The following AGBL1 variants were observed in gnomAD, a reference collection of about 807,000 sequenced individuals.
The protein encoded by AGBL1 is cytosolic carboxypeptidase 4.
AGBL1 carries 130 observed loss-of-function variants against 118.9 expected under a neutral mutation model. The observed-to-expected ratio is 1.09, with a 90% CI of 0.95 to 1.26. The LOEUF is 1.26. AGBL1 is among the 50% of genes most tolerant of loss of function. The pLI is 0.00. For synonymous variants in AGBL1, 555 were observed against 478.9 expected (o/e 1.16, Z -2.08); for missense variants, 1,584 against 1,298.1 (o/e 1.22, Z -3.38).
chr15:86,813,208 G>GT (rs1345048179), intron 22 of AGBL1, among the ~76,000 whole-genome samples: 1 of 151,706 alleles, frequency 6.6e-6, no homozygotes, highest in Admixed American at 6.6e-5. Flanking sequence ...AGGGTTGGGG[G>GT]GGCCTCAGGG....
At chr15:86,841,126 T>G (rs2079239148) in intron 22 of AGBL1, among the ~76,000 whole-genome samples, 1 of 152,224 alleles carries the variant, frequency 6.6e-6, no homozygotes, top group South Asian at 2.1e-4. Context: ...TGACAGTATT[T>G]TTCCACACTC....
intron 22 of AGBL1, among the ~76,000 whole-genome samples, chr15:86,746,403 G>A (rs776084453): frequency 9.9e-5 from 15 of 151,962 alleles, no homozygotes; most frequent in Non-Finnish European, 1.8e-4. Flanking sequence ...CATTCCTGAG[G>A]TCTCAGTATA....
chr15:86,545,806 C>T (rs911320334), intron 19 of AGBL1, among the ~76,000 whole-genome samples, 196 bp from the exon 20 acceptor site: 6 of 152,118 alleles, frequency 3.9e-5, no homozygotes, highest in African/African-American at 1.4e-4. Flanking sequence ...ATAACTCCAT[C>T]GATACAATCA....
At chr15:86,157,676 A>G (rs2077210912) in intron 4 of AGBL1, among the ~76,000 whole-genome samples, 1 of 152,130 alleles carries the variant, frequency 6.6e-6, no homozygotes, top group Non-Finnish European at 1.5e-5. Context: ...AAGCCTGCGG[A>G]TTACTATCTT....
chr15:86,661,398 G>A (rs2085537017), intron 21 of AGBL1, among the ~76,000 whole-genome samples: 1 of 151,946 alleles, frequency 6.6e-6, no homozygotes, highest in South Asian at 2.1e-4. Flanking sequence ...TCCTAAAACA[G>A]AGTCATGTAC....
At chr15:86,393,461 T>C (rs1372913821) in intron 17 of AGBL1, among the ~76,000 whole-genome samples, 4 of 152,126 alleles carry the variant, frequency 2.6e-5, no homozygotes, top group Non-Finnish European at 4.4e-5. Flanking sequence ...AGTTCAAAAA[T>C]CACAAAGAGA....
intron 5 of AGBL1, among the ~76,000 whole-genome samples, chr15:86,159,338 T>A (rs774293387): frequency 6.6e-6 from 1 of 152,182 alleles, no homozygotes; most frequent in Non-Finnish European, 1.5e-5. Context: ...TGATTCCAGA[T>A]CTTTCAGACT....
chr15:86,433,263 C>CTTTTTTTTTTTTTT (rs1292975189), intron 18 of AGBL1, among the ~76,000 whole-genome samples: 3 of 54,948 alleles, frequency 5.5e-5, no homozygotes, highest in Non-Finnish European at 1.0e-4. Context: ...CCTCCTCCTT[C>CTTTTTTTTTTTTTT]TTCTTTTTTT....
intron 18 of AGBL1, among the ~76,000 whole-genome samples, chr15:86,403,018 G>A (rs79193252): frequency 6.6e-6 from 1 of 152,110 alleles, no homozygotes; most frequent in Non-Finnish European, 1.5e-5. Flanking sequence ...TTCCCAAGGT[G>A]GGGTAAAAAT....
chr15:86,732,698 TTTGA>T (rs2077542165), intron 22 of AGBL1, among the ~76,000 whole-genome samples: 1 of 152,140 alleles, frequency 6.6e-6, no homozygotes, highest in Non-Finnish European at 1.5e-5. Context: ...GAATTGAGGA[TTTGA>T]TTCTAGACTG....
chr15:86,955,674 G>A (rs986039022), intron 23 of AGBL1, among the ~76,000 whole-genome samples: 1 of 151,956 alleles, frequency 6.6e-6, no homozygotes, highest in Admixed American at 6.6e-5. Context: ...TCTTGGAAAG[G>A]TACTATGAAA....
intron 22 of AGBL1, among the ~76,000 whole-genome samples, chr15:86,743,449 C>G (rs1364150870): frequency 6.7e-6 from 1 of 149,114 alleles, no homozygotes; most frequent in Non-Finnish European, 1.5e-5. Flanking sequence ...TGTTTTTCCC[C>G]TCTTAGTAGG....
chr15:86,987,035 G>A (rs1199713433), intron 23 of AGBL1, among the ~76,000 whole-genome samples: 1 of 152,110 alleles, frequency 6.6e-6, no homozygotes, highest in African/African-American at 2.4e-5. Context: ...AGCTTTTTGA[G>A]CCAGGATGAG....
In AGBL1 at chr15:86,178,984, C is replaced by A. The variant is rs1043816703; in HGVS notation, c.488+19958C>A. ...AAAGGCTTTTCCCAGACAAAGCATG[C>A]GAAGGGTAGAGGATATAGGTTAGCA... On this transcript the variant is annotated intron_variant, in intron 5 of 22. Transcript: ENST00000614907. 5.3e-5 allele frequency among the ~76,000 whole-genome samples: 8 copies of A among 152,232 alleles called. No individual in the cohort carries two copies. The South Asian group carries it at 6.2e-4, about 12-fold the overall frequency.
intron 21 of AGBL1, among the ~76,000 whole-genome samples, chr15:86,650,339 G>A (rs2085349345): frequency 1.3e-5 from 2 of 152,124 alleles, no homozygotes; most frequent in Admixed American, 6.6e-5. Context: ...CAGTCATCTG[G>A]CACCATAACC....
chr15:86,305,233 C>G (rs2079819655), intron 17 of AGBL1: 3 of 152,044 alleles, frequency 2.0e-5, no homozygotes, highest in Non-Finnish European at 2.9e-5. Flanking sequence ...ATTAAAATTC[C>G]CAATAAAATA....
chr15:86,357,841 G>C (rs12148796), intron 17 of AGBL1, among the ~76,000 whole-genome samples: 31,786 of 151,864 alleles, frequency 0.21, 3,473 homozygotes, highest in African/African-American at 0.22. Flanking sequence ...TCATGCACAG[G>C]CCTTAAACTC....
chr15:86,632,811 G>GTTTTTT (rs2084997771), intron 21 of AGBL1, among the ~76,000 whole-genome samples: 2 of 152,010 alleles, frequency 1.3e-5, no homozygotes, highest in Non-Finnish European at 2.9e-5. Flanking sequence ...TTTTGTTTTT[G>GTTTTTT]CAGTTAATTT....
chr15:86,771,885 C>G (rs1308187397), intron 22 of AGBL1, among the ~76,000 whole-genome samples: 9 of 151,884 alleles, frequency 5.9e-5, no homozygotes, highest in Non-Finnish European at 1.2e-4. Context: ...GGGAAGTTGC[C>G]AGTAGGCAGG....
Sources: allele counts gnomAD v4.1 joint callset (sites outside exome capture counted in the v4.1 genomes callset), GRCh38; gene constraint gnomAD v4.1.1; transcripts MANE v1.5; gene names NCBI Gene and HGNC (gene_info 2026-07-23, HGNC 2026-07-21).